Variants in COL25A1 observed in about 807,000 individuals in gnomAD.
COL25A1 encodes collagen alpha-1(XXV) chain.
A neutral mutation model predicts 128.4 loss-of-function variants in COL25A1; 103 were observed. The ratio of observed to expected loss-of-function variants is 0.80; its 90% CI spans 0.68 to 0.94. The LOEUF is 0.94. COL25A1 is among the 40% of genes least tolerant of loss of function. The pLI is 0.00. For synonymous variants in COL25A1, 279 were observed against 277.2 expected, an observed-to-expected ratio of 1.01 and a Z score of -0.06; for missense variants, 745 against 840.0, an observed-to-expected ratio of 0.89 and a Z score of 1.40.
intron 5 of COL25A1, among the ~76,000 whole-genome samples, chr4:109,033,192 G>A (rs1759030545): frequency 2.0e-5 from 3 of 152,242 alleles, no homozygotes; most frequent in South Asian, 2.1e-4. Flanking sequence ...CACAACACAT[G>A]TACAGATTCA....
At position 109,000,761 on chromosome 4, in the gene COL25A1, AAAAAAAAG is replaced by A. The variant is rs1484668614; in HGVS notation, c.438+9589_438+9596del. ...ACTCTGTCAAAAAAAAAAAAAAAAA[AAAAAAAAG>A]AAAAAACTATACACATAACACTTTG... On this transcript the variant is annotated intron_variant, in intron 6 of 37. Transcript: ENST00000399132. Among the ~76,000 whole-genome samples the A allele has an allele frequency of 4.4e-3, 635 of 142,750 alleles. 8 individuals carry two copies. The highest frequency in any genetic ancestry group is 0.015 in the African/African-American group (588 of 38,924). 93.6% of individuals were successfully genotyped at this position (142,750 alleles called of 152,430 possible). A position where few individuals can be genotyped will look rare whatever the true frequency, so the allele number is the denominator to read the frequency against.
At chr4:109,051,616 TACATACACAC>T (rs1277112328) in intron 3 of COL25A1, among the ~76,000 whole-genome samples, 42 of 112,428 alleles carry the variant, frequency 3.7e-4, no homozygotes, top group South Asian at 3.3e-3. Context: ...CAAACACACA[TACATACACAC>T]ACACACACAC....
rs76279636 is a variant in COL25A1, at chr4:109,059,881, G to A, written c.368-9702C>T. The stretch of plus-strand genomic sequence containing the variant: ...AAATGGATGACCTTTTTTTTTAAAG[G>A]CTGAAATAACAGTAACACTTCTGTA... On this transcript the variant is annotated intron_variant, in intron 3 of 37. Coordinates refer to ENST00000399132, the MANE Select transcript of COL25A1 (RefSeq NM_198721.4). Among the ~76,000 whole-genome samples, 598 of 151,764 alleles carry A rather than the reference G, an allele frequency of 3.9e-3. 4 individuals are homozygous for A. The highest frequency in any genetic ancestry group is 0.013 in the African/African-American group (543 of 41,406).
intron 3 of COL25A1, among the ~76,000 whole-genome samples, chr4:109,173,925 A>G (rs1773820998): frequency 6.6e-6 from 1 of 152,128 alleles, no homozygotes; most frequent in Admixed American, 6.6e-5. Context: ...TCCAATGAGT[A>G]TTTCCTTTGA....
chr4:109,013,853 G>A (rs547003176), intron 5 of COL25A1, among the ~76,000 whole-genome samples: 5 of 152,078 alleles, frequency 3.3e-5, no homozygotes, highest in Non-Finnish European at 5.9e-5. Flanking sequence ...GAGAATCCGT[G>A]GCTTCATTCT....
intron 35 of COL25A1, among the ~76,000 whole-genome samples, chr4:108,823,665 G>A (rs1215264138): frequency 6.6e-6 from 1 of 152,132 alleles, no homozygotes; most frequent in Non-Finnish European, 1.5e-5. Flanking sequence ...AAAGTGGCAA[G>A]TCCTAGTCCT....
rs531145131 is a variant in COL25A1, at chr4:109,283,668, T to A, written c.367+16915A>T. 1.7e-3 allele frequency among the ~76,000 whole-genome samples: 259 copies of A among 152,356 alleles called. 2 individuals carry two copies. The Middle Eastern group carries it at 0.024, about 14-fold the overall frequency. ...ACTTCACACAAGTGTGTTATTTGTC[T>A]GACATTTGAGTTTGCCATCTGGCTT... On this transcript the variant is annotated intron_variant, in intron 3 of 37. Coordinates refer to ENST00000399132, the MANE Select transcript of COL25A1 (RefSeq NM_198721.4).
In COL25A1 at chr4:109,104,420, T is replaced by TCTCTCTC. The variant is rs1560698814; in HGVS notation, c.368-54242_368-54241insGAGAGAG. ...GAAATCACTCTCTCTCTCTCTCTCTTTTTTGCAATCTGTAATGAATTAATG... is the reference window on the plus strand; with the variant it reads ...GAAATCACTCTCTCTCTCTCTCTCTTCTCTCTCTTTTGCAATCTGTAATGAATTAATG... On this transcript the variant is annotated intron_variant, in intron 3 of 37. Coordinates refer to ENST00000399132, the MANE Select transcript of COL25A1 (RefSeq NM_198721.4). Among the ~76,000 whole-genome samples the TCTCTCTC allele has an allele frequency of 9.9e-4, 89 of 90,016 alleles. 1 individual carries two copies. The highest frequency in any genetic ancestry group is 4.8e-4 in the Admixed American group (4 of 8,294). 59.1% of individuals were successfully genotyped at this position (90,016 alleles called of 152,430 possible).
chr4:108,893,641 A>T (rs1476559693), intron 16 of COL25A1, among the ~76,000 whole-genome samples: 1 of 152,184 alleles, frequency 6.6e-6, no homozygotes, highest in East Asian at 1.9e-4. Flanking sequence ...AGGAAAAAAA[A>T]ATCCTATTAA....
intron 5 of COL25A1, among the ~76,000 whole-genome samples, chr4:109,019,559 G>A (rs1164984999): frequency 6.6e-6 from 1 of 151,752 alleles, no homozygotes; most frequent in Non-Finnish European, 1.5e-5. Context: ...CGTCTTACAT[G>A]GTGGCAGCCG....
intron 11 of COL25A1, among the ~76,000 whole-genome samples, chr4:108,935,552 C>T (rs1433321756): frequency 6.6e-6 from 1 of 151,826 alleles, no homozygotes; most frequent in Non-Finnish European, 1.5e-5. Context: ...TTGTCATTTT[C>T]ATTGTTTCTT....
At chr4:109,289,830 C>T (rs1463730945) in intron 3 of COL25A1, among the ~76,000 whole-genome samples, 5 of 152,178 alleles carry the variant, frequency 3.3e-5, no homozygotes, top group Admixed American at 1.3e-4. Flanking sequence ...TTGCCAACCA[C>T]GGATCACGTT....
chr4:109,292,541 C>G (rs533954230), intron 3 of COL25A1, among the ~76,000 whole-genome samples: 1 of 152,116 alleles, frequency 6.6e-6, no homozygotes, highest in African/African-American at 2.4e-5. Flanking sequence ...TACATAGATA[C>G]AAACCAGAGC....
intron 6 of COL25A1, among the ~76,000 whole-genome samples, chr4:109,001,412 G>C (rs77288781): frequency 6.8e-6 from 1 of 147,022 alleles, no homozygotes; most frequent in Non-Finnish European, 1.5e-5. Context: ...CTGAGATCCT[G>C]TCAGGTAGGC....
chr4:108,842,979 T>C (rs1217168940), intron 30 of COL25A1, among the ~76,000 whole-genome samples: 1 of 151,572 alleles, frequency 6.6e-6, no homozygotes, highest in East Asian at 1.9e-4. Context: ...ACTTCATCTA[T>C]TCAAAAAATA....
chr4:109,199,443 T>C (rs1776379708), intron 3 of COL25A1, among the ~76,000 whole-genome samples: 1 of 152,068 alleles, frequency 6.6e-6, no homozygotes. Flanking sequence ...CCGTGCCCAG[T>C]CAAAATTGGA....
In COL25A1 at chr4:109,184,774, GT is replaced by G. The variant is rs1434087670; in HGVS notation, c.367+115808del. 2.6e-5 allele frequency among the ~76,000 whole-genome samples: 4 copies of G among 152,296 alleles called. 1 individual carries two copies. The highest frequency in any genetic ancestry group is 6.8e-3 in the Middle Eastern group (2 of 294). ...CCGAGGTCACGTATAGCAGTTTCCTGTCCATTGCTTGAAATGCTACCACAAT... is the reference window on the plus strand; with the variant it reads ...CCGAGGTCACGTATAGCAGTTTCCTGCCATTGCTTGAAATGCTACCACAAT... On this transcript the variant is annotated intron_variant, in intron 3 of 37. Transcript: ENST00000399132.
intron 8 of COL25A1, among the ~76,000 whole-genome samples, chr4:108,963,695 A>AT (rs1750985515): frequency 6.6e-6 from 1 of 152,058 alleles, no homozygotes; most frequent in Admixed American, 6.6e-5. Flanking sequence ...AGGATTATTA[A>AT]TATATTACTT....
At chr4:109,085,698 T>C (rs962365266) in intron 3 of COL25A1, among the ~76,000 whole-genome samples, 2 of 152,166 alleles carry the variant, frequency 1.3e-5, no homozygotes, top group African/African-American at 4.8e-5. Flanking sequence ...TCCAACCTAT[T>C]TCCTTCTCCT....
Sources: gnomAD v4.1 joint callset for allele counts (sites outside exome capture counted in the v4.1 genomes callset) on GRCh38, gnomAD v4.1.1 for gene constraint, MANE v1.5 for transcripts, NCBI Gene and HGNC (gene_info 2026-07-23, HGNC 2026-07-21) for gene names.